Variants in CDC14A observed in about 807,000 individuals in gnomAD.
CDC14A encodes cell division cycle 14A, also known as dual specificity protein phosphatase CDC14A.
A neutral mutation model predicts 74.4 loss-of-function variants in CDC14A; 53 were observed. The ratio of observed to expected loss-of-function variants is 0.71; its 90% CI spans 0.57 to 0.89. The LOEUF (loss-of-function observed/expected upper bound fraction) is 0.89, where lower values mean the gene tolerates loss of function less well. CDC14A is among the 40% of genes least tolerant of loss of function. CDC14A has a pLI of 0.00. For synonymous variants in CDC14A, 247 were observed against 258.4 expected, an observed-to-expected ratio of 0.96 and a Z score of 0.43; for missense variants, 646 against 713.7, an observed-to-expected ratio of 0.91 and a Z score of 1.08.
At chr1:100,503,368 C>T (rs1376340041) in intron 15 of CDC14A, among the ~76,000 whole-genome samples, 1 of 152,122 alleles carries the variant, frequency 6.6e-6, no homozygotes, top group Non-Finnish European at 1.5e-5. Context: ...AATATCCTCC[C>T]AGAACCTTTA....
chr1:100,518,266 T>A lies in CDC14A; in HGVS notation c.1771T>A (p.Tyr591Asn). The change falls in exon 16 of 16, where the codon TAT (tyrosine) becomes AAT (asparagine). Residue 591 changes from tyrosine (Y) to asparagine (N), a missense_variant. Transcript: ENST00000336454. The stretch of plus-strand genomic sequence containing the variant: ...CCCTGCACAGTCCCTTCAGTCTGAA[T>A]ATGTTCATTACTAAGGCCTTGCCAC... ...SRSIPSLQSEYVHY is the reference protein window; with the variant it reads ...SRSIPSLQSENVHY 1.2e-6 allele frequency: 2 copies of A among 1,611,630 alleles called. No homozygotes were observed. Among genetic ancestry groups the A allele is most frequent in the Admixed American group, 3.3e-5 (2 of 59,956 alleles).
chr1:100,501,845 T>C lies in CDC14A; in HGVS notation c.1755+2583T>C, dbSNP rs970623994. 4.6e-4 allele frequency among the ~76,000 whole-genome samples: 70 copies of C among 152,152 alleles called. 1 individual carries two copies. Among genetic ancestry groups the C allele is most frequent in the Admixed American group, 4.6e-4 (7 of 15,276 alleles). On this transcript the variant is annotated intron_variant, in intron 15 of 15. Coordinates refer to ENST00000336454, the MANE Select transcript of CDC14A (RefSeq NM_003672.4). ...CTGACCTGGTGTAGGCCCAGGCTAATGTGTGTGTTTGTGTCTTCATTTTAA... is the reference window on the plus strand; with the variant it reads ...CTGACCTGGTGTAGGCCCAGGCTAACGTGTGTGTTTGTGTCTTCATTTTAA...
intron 4 of CDC14A, among the ~76,000 whole-genome samples, chr1:100,419,422 A>G (rs1661977695): frequency 6.6e-6 from 1 of 152,260 alleles, no homozygotes; most frequent in African/African-American, 2.4e-5. Context: ...TAGCTTCACC[A>G]GTAAAAGAAA....
intron 13 of CDC14A, 111 bp from the exon 14 acceptor site, chr1:100,497,974 G>A: frequency 1.7e-6 from 2 of 1,149,982 alleles, no homozygotes; most frequent in Non-Finnish European, 2.5e-6. Context: ...TCACTATTAG[G>A]ACCTGTCATG....
chr1:100,383,409 GATCT>G (rs1466963270), intron 3 of CDC14A: 1 of 152,438 alleles, frequency 6.6e-6, no homozygotes, highest in African/African-American at 2.4e-5. Context: ...GAAATGATTC[GATCT>G]ATTTCATCTT....
chr1:100,499,381 C>A, intron 15 of CDC14A, 119 bp downstream of exon 15: 1 of 1,605,100 alleles, frequency 6.2e-7, no homozygotes, highest in Non-Finnish European at 8.5e-7. Flanking sequence ...GCCTTCTGAG[C>A]GATGCCTTCC....
rs140265455 is a variant in CDC14A, at chr1:100,356,367, A to T, written c.140+2515A>T. 3.1e-3 allele frequency among the ~76,000 whole-genome samples: 469 copies of T among 152,298 alleles called. 3 individuals carry two copies. The highest frequency in any genetic ancestry group is 0.011 in the African/African-American group (446 of 41,560). ...TGTTTTCACAACAATTCTGTGAGAC[A>T]GGCACTATTATCCTTATTGTACAAA... On this transcript the variant is annotated intron_variant, in intron 2 of 15. Coordinates refer to ENST00000336454, the MANE Select transcript of CDC14A (RefSeq NM_003672.4).
intron 10 of CDC14A, among the ~76,000 whole-genome samples, chr1:100,470,199 A>C (rs947339694): frequency 6.6e-6 from 1 of 152,180 alleles, no homozygotes; most frequent in Non-Finnish European, 1.5e-5. Flanking sequence ...AAGTAGAAAA[A>C]TTATATGATT....
upstream of CDC14A, among the ~76,000 whole-genome samples, chr1:100,351,209 T>TA (rs113284769): frequency 0.16 from 23,506 of 142,680 alleles, 1,949 homozygotes; most frequent in Non-Finnish European, 0.19. Context: ...AAACACACAT[T>TA]AAAAAAAAAA....
intron 13 of CDC14A, among the ~76,000 whole-genome samples, chr1:100,496,792 G>A (rs1006825002): frequency 2.0e-5 from 3 of 152,136 alleles, no homozygotes; most frequent in African/African-American, 4.8e-5. Context: ...CTGTTTGGTG[G>A]GTGGATAATG....
At chr1:100,351,854 G>C, upstream of CDC14A, 2 of 1,473,920 alleles carry the variant, frequency 1.4e-6, no homozygotes, top group Non-Finnish European at 1.9e-6. Flanking sequence ...CTAGGAGCTG[G>C]TGCTTCTTTT....
chr1:100,498,681 GTT>G (rs1648244979), intron 14 of CDC14A, among the ~76,000 whole-genome samples: 1 of 152,132 alleles, frequency 6.6e-6, no homozygotes, highest in Admixed American at 6.5e-5. Context: ...TAGTCAAAGT[GTT>G]TTAGCCAGTT....
chr1:100,491,546 CTCTATATATATA>C (rs1487341145), intron 11 of CDC14A, among the ~76,000 whole-genome samples: 3 of 39,932 alleles, frequency 7.5e-5, no homozygotes, highest in African/African-American at 2.3e-4. Flanking sequence ...CTCTCTCTCT[CTCTATATATATA>C]TATATATATA....
intron 4 of CDC14A, among the ~76,000 whole-genome samples, chr1:100,420,063 C>CTATATATATATATATAT (rs1553180531): frequency 4.9e-5 from 3 of 61,566 alleles, no homozygotes; most frequent in Non-Finnish European, 7.6e-5. Context: ...CACACACACA[C>CTATATATATATATATAT]ATATATATAT....
chr1:100,440,828 T>C (rs1318653575), intron 6 of CDC14A, among the ~76,000 whole-genome samples: 1 of 152,202 alleles, frequency 6.6e-6, no homozygotes, highest in Non-Finnish European at 1.5e-5. Flanking sequence ...GCTACCTGTT[T>C]TATACATGGT....
intron 10 of CDC14A, among the ~76,000 whole-genome samples, chr1:100,475,131 T>C (rs970716932): frequency 2.2e-4 from 33 of 152,260 alleles, no homozygotes; most frequent in Middle Eastern, 3.4e-3. Context: ...TTATTCAGAT[T>C]GGGTAGTTTC....
chr1:100,461,776 C>A (rs933987644), intron 8 of CDC14A, among the ~76,000 whole-genome samples: 3 of 152,088 alleles, frequency 2.0e-5, no homozygotes, highest in Non-Finnish European at 4.4e-5. Context: ...AAGGAAGTGT[C>A]CACAAAAGTT....
At chr1:100,350,209 C>T (rs1304081885), upstream of CDC14A, among the ~76,000 whole-genome samples, 1 of 152,182 alleles carries the variant, frequency 6.6e-6, no homozygotes, top group East Asian at 1.9e-4. Flanking sequence ...CCTGCCTCGG[C>T]CTCCCCAAGT....
At chr1:100,442,083 C>G (rs1053841433) in intron 6 of CDC14A, among the ~76,000 whole-genome samples, 1 of 151,358 alleles carries the variant, frequency 6.6e-6, no homozygotes, top group Non-Finnish European at 1.5e-5. Context: ...TCTGAGCTAG[C>G]TGGATAGTTT....
Sources: gnomAD v4.1 joint callset for allele counts (sites outside exome capture counted in the v4.1 genomes callset) on GRCh38, gnomAD v4.1.1 for gene constraint, MANE v1.5 for transcripts, NCBI Gene and HGNC (gene_info 2026-07-23, HGNC 2026-07-21) for gene names.